The following MGAT4C variants were observed in gnomAD, a reference collection of about 807,000 sequenced individuals.
MGAT4C encodes the protein alpha-1,3-mannosyl-glycoprotein 4-beta-N-acetylglucosaminyltransferase C.
MGAT4C carries 19 observed loss-of-function variants against 40.1 expected under a neutral mutation model. The observed-to-expected ratio is 0.47, with a 90% confidence interval of 0.33 to 0.70. MGAT4C has a LOEUF of 0.70. MGAT4C is among the 30% of genes least tolerant of loss of function. The pLI, the probability that MGAT4C is intolerant of heterozygous loss-of-function variation, is 0.02. For synonymous variants in MGAT4C, 181 were observed against 187.1 expected (o/e 0.97, Z 0.27); for missense variants, 491 against 563.2 (o/e 0.87, Z 1.30).
At chr12:86,597,384 C>G (rs891981746) in intron 2 of MGAT4C, among the ~76,000 whole-genome samples, 1 of 152,084 alleles carries the variant, frequency 6.6e-6, no homozygotes, top group African/African-American at 2.4e-5. Context: ...TAAAATTAAT[C>G]AGGGAAAAAG....
At chr12:86,167,685 G>A (rs965697828) in intron 1 of MGAT4C, among the ~76,000 whole-genome samples, 2 of 152,096 alleles carry the variant, frequency 1.3e-5, no homozygotes, top group African/African-American at 4.8e-5. Flanking sequence ...ACTCTCTGGA[G>A]CCCATTCCTG....
intron 1 of MGAT4C, among the ~76,000 whole-genome samples, chr12:86,196,909 C>T (rs1033643587): frequency 2.0e-5 from 3 of 152,208 alleles, no homozygotes; most frequent in Non-Finnish European, 4.4e-5. Flanking sequence ...ATGCTTTCCA[C>T]TTTTTGCAAC....
intron 2 of MGAT4C, among the ~76,000 whole-genome samples, chr12:86,571,540 A>C (rs1216645547): frequency 6.6e-6 from 1 of 152,122 alleles, no homozygotes; most frequent in African/African-American, 2.4e-5. Flanking sequence ...TACAGTCTTT[A>C]ACAAAATCCT....
intron 4 of MGAT4C, among the ~76,000 whole-genome samples, chr12:86,269,524 T>C (rs187906098): frequency 6.6e-6 from 1 of 151,960 alleles, no homozygotes; most frequent in African/African-American, 2.4e-5. Flanking sequence ...AGTTTTACAG[T>C]GTTAACTGAA....
At chr12:86,475,333 C>A (rs1565786744) in intron 2 of MGAT4C, among the ~76,000 whole-genome samples, 1 of 151,598 alleles carries the variant, frequency 6.6e-6, no homozygotes, top group Non-Finnish European at 1.5e-5. Flanking sequence ...GAAATGGTCA[C>A]AAAGATAATT....
intron 1 of MGAT4C, among the ~76,000 whole-genome samples, chr12:86,062,212 G>A (rs984926193): frequency 5.3e-5 from 8 of 152,144 alleles, no homozygotes; most frequent in South Asian, 2.1e-4. Context: ...TGCAGCCACC[G>A]CTGGTGATAC....
chr12:86,122,896 T>A (rs1033745031), intron 1 of MGAT4C, among the ~76,000 whole-genome samples: 2 of 152,164 alleles, frequency 1.3e-5, no homozygotes, highest in African/African-American at 2.4e-5. Flanking sequence ...TTTTACCTAT[T>A]TCTAAGTAAT....
At chr12:86,758,585 A>C (rs2136149331) in intron 1 of MGAT4C, among the ~76,000 whole-genome samples, 1 of 152,176 alleles carries the variant, frequency 6.6e-6, no homozygotes, top group East Asian at 1.9e-4. Context: ...TATATTATTC[A>C]GATAAGTGCC....
intron 2 of MGAT4C, among the ~76,000 whole-genome samples, chr12:86,636,448 T>C (rs1963222201): frequency 6.6e-6 from 1 of 152,030 alleles, no homozygotes; most frequent in Non-Finnish European, 1.5e-5. Flanking sequence ...TATATGTTAG[T>C]ATTTGGAGAC....
upstream of MGAT4C, among the ~76,000 whole-genome samples, chr12:86,258,287 CT>C (rs2136091906): frequency 1.2e-5 from 1 of 81,844 alleles, no homozygotes; most frequent in South Asian, 4.0e-4. Context: ...AGGATATAAT[CT>C]ATCTATCTAT....
At chr12:86,249,635 A>T (rs1378426625) in intron 1 of MGAT4C, among the ~76,000 whole-genome samples, 2 of 152,160 alleles carry the variant, frequency 1.3e-5, no homozygotes, top group African/African-American at 4.8e-5. Flanking sequence ...TTACAATTAG[A>T]ATCTGTTCTG....
intron 2 of MGAT4C, among the ~76,000 whole-genome samples, chr12:86,671,842 A>G: frequency 6.6e-6 from 1 of 152,324 alleles, no homozygotes; most frequent in Middle Eastern, 3.4e-3. Flanking sequence ...TCTCAATACA[A>G]TAAAAGCAGG....
chr12:86,562,639 G>T (rs1392925736), intron 2 of MGAT4C, among the ~76,000 whole-genome samples: 4 of 152,028 alleles, frequency 2.6e-5, no homozygotes, highest in Admixed American at 6.6e-5. Flanking sequence ...ACCTCTGTTT[G>T]CTTCTAGACC....
intron 3 of MGAT4C, among the ~76,000 whole-genome samples, chr12:86,434,657 T>C (rs1380207812): frequency 6.6e-6 from 1 of 151,918 alleles, no homozygotes; most frequent in East Asian, 1.9e-4. Context: ...AATAAACTCA[T>C]CCAGAATAAT....
chr12:86,000,407 A>C (rs1887171542), intron 2 of MGAT4C, among the ~76,000 whole-genome samples: 1 of 152,174 alleles, frequency 6.6e-6, no homozygotes, highest in African/African-American at 2.4e-5. Context: ...AAGATTCTAC[A>C]GGATAATGGT....
intron 2 of MGAT4C, among the ~76,000 whole-genome samples, chr12:86,624,261 G>A (rs1184765329): frequency 6.6e-6 from 1 of 152,034 alleles, no homozygotes; most frequent in African/African-American, 2.4e-5. Context: ...CATATACAAG[G>A]GAATCTAAAG....
chr12:85,987,367 G>C (rs1232833333), intron 3 of MGAT4C, among the ~76,000 whole-genome samples: 1 of 151,652 alleles, frequency 6.6e-6, no homozygotes, highest in East Asian at 1.9e-4. Flanking sequence ...TCGATCTCCT[G>C]ACCTCGTGAT....
intron 1 of MGAT4C, among the ~76,000 whole-genome samples, chr12:86,244,005 T>C (rs1951909973): frequency 6.6e-6 from 1 of 152,206 alleles, no homozygotes; most frequent in Non-Finnish European, 1.5e-5. Context: ...CTTCTAAGGC[T>C]ATGCTGCTGC....
At chr12:86,330,718 T>C (rs868245191) in intron 4 of MGAT4C, among the ~76,000 whole-genome samples, 2 of 152,220 alleles carry the variant, frequency 1.3e-5, no homozygotes, top group Non-Finnish European at 2.9e-5. Context: ...GATTACTTAT[T>C]ATATTACAGG....
Sources: gnomAD v4.1 joint callset for allele counts (sites outside exome capture counted in the v4.1 genomes callset) on GRCh38, gnomAD v4.1.1 for gene constraint, MANE v1.5 for transcripts, NCBI Gene and HGNC (gene_info 2026-07-23, HGNC 2026-07-21) for gene names.